Variants in BRF1 observed in about 807,000 individuals in gnomAD.
BRF1 encodes the protein transcription factor IIIB 90 kDa subunit.
BRF1 carries 59 observed loss-of-function variants against 81.7 expected under a neutral mutation model. The ratio of observed to expected loss-of-function variants is 0.72; its 90% CI spans 0.59 to 0.90. BRF1 has a LOEUF of 0.90. Ranked by LOEUF, BRF1 falls within the 40% of genes least tolerant of loss-of-function variation. The pLI, the probability that BRF1 is intolerant of heterozygous loss-of-function variation, is 0.00. For missense variants in BRF1, 1,050 were observed against 936.3 expected (o/e 1.12, Z -1.58); for synonymous variants, 491 against 395.6 (o/e 1.24, Z -2.86).
At chr14:105,262,121 G>A (rs1281030728) in intron 3 of BRF1, among the ~76,000 whole-genome samples, 2 of 152,248 alleles carry the variant, frequency 1.3e-5, no homozygotes, top group South Asian at 2.1e-4. Context: ...AGCCCGGCAG[G>A]CAGACTGGGC....
At chr14:105,303,831 G>T (rs2058100372), upstream of BRF1, among the ~76,000 whole-genome samples, 1 of 152,196 alleles carries the variant, frequency 6.6e-6, no homozygotes, top group Non-Finnish European at 1.5e-5. Context: ...TGTCCATGAT[G>T]ACATTTCATC....
chr14:105,226,857 C>G, intron 7 of BRF1, 97 bp from the exon 8 acceptor site: 3 of 1,581,852 alleles, frequency 1.9e-6, no homozygotes, highest in South Asian at 2.2e-5. Flanking sequence ...GCCTGTGATC[C>G]CAGTGCTTTG....
Position 105,300,672 on chromosome 14 carries a change from T to C in BRF1, c.-43A>G, listed in dbSNP as rs764740533. On this transcript the variant is annotated 5_prime_UTR_variant, in exon 1 of 18. Transcript: ENST00000547530. Reference sequence around the variant, plus strand: ...CAGCGCCCGGAGCCTCCCAAGACTCTCAAGCCACCCGAGCCTCCGGAGCAG... The same window carrying C: ...CAGCGCCCGGAGCCTCCCAAGACTCCCAAGCCACCCGAGCCTCCGGAGCAG... 27 of 1,283,750 alleles carry C rather than the reference T, an allele frequency of 2.1e-5. No individual in the cohort carries two copies. In the South Asian group the frequency reaches 6.5e-4, roughly 31 times the overall value. The allele number at this position is 1,283,750 out of a possible 1,614,324, so 79.5% of individuals were successfully genotyped here.
intron 3 of BRF1, among the ~76,000 whole-genome samples, chr14:105,257,042 GC>G (rs2055914433): frequency 6.6e-6 from 1 of 152,058 alleles, no homozygotes; most frequent in Non-Finnish European, 1.5e-5. Flanking sequence ...TAGACCTGGG[GC>G]CCCCTTGGTG....
chr14:105,271,253 C>G lies in BRF1; in HGVS notation c.439+1468G>C, dbSNP rs1385812276. Among the ~76,000 whole-genome samples, 1 of 152,228 alleles carries G rather than the reference C, an allele frequency of 6.6e-6. No individual in the cohort carries two copies. Among genetic ancestry groups the G allele is most frequent in the East Asian group, 1.9e-4 (1 of 5,204 alleles). The stretch of plus-strand genomic sequence containing the variant: ...TCTAACGACGAATTCAACAGAAGCT[C>G]AGGACAGGAAGCTGTCAGAGAGCAA... On this transcript the variant is annotated intron_variant, in intron 3 of 17. Coordinates refer to ENST00000547530, the MANE Select transcript of BRF1 (RefSeq NM_001519.4). This position sits in a 1 kb window ranked among gnomAD's most constrained non-coding sequence, Gnocchi z 5.5.
At chr14:105,241,175 T>G (rs1378857855) in intron 6 of BRF1, 90 bp downstream of exon 6, 3 of 1,552,814 alleles carry the variant, frequency 1.9e-6, no homozygotes, top group Non-Finnish European at 2.6e-6. Flanking sequence ...TCTGCAAACA[T>G]ACGGCCCAGC....
intron 15 of BRF1, among the ~76,000 whole-genome samples, chr14:105,214,221 C>G (rs1167709325): frequency 1.3e-5 from 2 of 152,242 alleles, no homozygotes; most frequent in Non-Finnish European, 2.9e-5. Context: ...CTTTGTCCCC[C>G]TTCCAGATAT....
Position 105,256,443 on chromosome 14 carries a change from C to A in BRF1, c.471+75G>T. The A allele has an allele frequency of 3.7e-6, 6 of 1,613,824 alleles. 1 individual carries two copies. The highest frequency in any genetic ancestry group is 5.1e-6 in the Non-Finnish European group (6 of 1,179,892). ...ATGCGTGGAGGCACCTGGGGTACAC[C>A]CCGGTCACAACCCTGGTCACAACCC... On this transcript the variant is annotated intron_variant, in intron 4 of 17. Transcript: ENST00000547530.
At chr14:105,223,714 T>C (rs1025960321) in intron 10 of BRF1, among the ~76,000 whole-genome samples, 2 of 152,242 alleles carry the variant, frequency 1.3e-5, no homozygotes, top group East Asian at 3.8e-4. Context: ...TGGTTGTCAC[T>C]ATGGCTTCAC....
chr14:105,253,344 C>A (rs974881915), intron 4 of BRF1, among the ~76,000 whole-genome samples: 4 of 152,222 alleles, frequency 2.6e-5, no homozygotes, highest in Non-Finnish European at 4.4e-5. Context: ...CTGGTCCCTA[C>A]TGGAGCCTGC....
intron 3 of BRF1, among the ~76,000 whole-genome samples, chr14:105,267,290 G>A (rs56178483): frequency 2.0e-5 from 3 of 152,044 alleles, no homozygotes; most frequent in African/African-American, 7.2e-5. Flanking sequence ...TCAGCCTTTC[G>A]GAAGTCTGAA....
At chr14:105,247,548 G>A (rs1388897433) in intron 5 of BRF1, 4 of 985,354 alleles carry the variant, frequency 4.1e-6, no homozygotes, top group Non-Finnish European at 4.8e-6. Flanking sequence ...CTTCTGAAGA[G>A]GACTCTCCCA....
Position 105,300,471 on chromosome 14 carries a change from G to A in BRF1, c.159C>T (p.Ala53=). 2.0e-6 allele frequency: 3 copies of A among 1,533,318 alleles called. No homozygotes were observed. Among genetic ancestry groups the A allele is most frequent in the Non-Finnish European group, 2.6e-6 (3 of 1,144,082 alleles). The allele number at this position is 1,533,318 out of a possible 1,614,324, so 95.0% of individuals were successfully genotyped here. ...CGTCCAGGGACACGAACTGGCCCAC[G>A]GCCGAGGAGCCGCCGCCGCTGCTCT... is the stretch of plus-strand genomic sequence containing the variant. ...FVESSGGGSS[A]VGQFVSLDGA... is the part of the protein sequence containing the mutation. Residue 53 remains alanine, a synonymous_variant, in exon 1 of 18, where the codon GCC becomes GCT. Coordinates refer to ENST00000547530, the MANE Select transcript of BRF1 (RefSeq NM_001519.4).
intron 10 of BRF1, among the ~76,000 whole-genome samples, chr14:105,223,135 G>A (rs1892554617): frequency 6.6e-6 from 1 of 152,176 alleles, no homozygotes; most frequent in Non-Finnish European, 1.5e-5. Context: ...TGACACTGCA[G>A]TGAGCTATGA....
intron 1 of BRF1, among the ~76,000 whole-genome samples, chr14:105,291,958 A>T (rs1186639022): frequency 6.6e-6 from 1 of 151,922 alleles, no homozygotes; most frequent in Non-Finnish European, 1.5e-5. Flanking sequence ...AGATTGCGCC[A>T]TTGCACTCCA....
chr14:105,252,639 T>C (rs1377735308), intron 4 of BRF1, 60 bp from the exon 5 acceptor site: 18 of 1,562,516 alleles, frequency 1.2e-5, no homozygotes, highest in Admixed American at 5.5e-5. Context: ...GTTTGCTTTT[T>C]TTCTCTTAAA....
intron 10 of BRF1, among the ~76,000 whole-genome samples, chr14:105,224,244 C>T (rs1251416183): frequency 6.6e-6 from 1 of 152,194 alleles, no homozygotes; most frequent in Non-Finnish European, 1.5e-5. Flanking sequence ...TGGCGCATGC[C>T]TGTAGTCCCA....
intron 14 of BRF1, among the ~76,000 whole-genome samples, chr14:105,218,600 A>G (rs1389149815): frequency 6.6e-6 from 1 of 152,202 alleles, no homozygotes; most frequent in African/African-American, 2.4e-5. Flanking sequence ...CCAGAGAGTA[A>G]GCTGGCAGAG....
At chr14:105,211,998 G>A (rs1566792220) in intron 16 of BRF1, 115 bp downstream of exon 16, 1 of 1,444,180 alleles carries the variant, frequency 6.9e-7, no homozygotes, top group Non-Finnish European at 9.5e-7. Flanking sequence ...GGCAGCAGGG[G>A]CAGGCGCCTC....
Sources: allele counts gnomAD v4.1 joint callset (sites outside exome capture counted in the v4.1 genomes callset), GRCh38; gene constraint gnomAD v4.1.1; non-coding constraint Gnocchi (gnomAD v3.1); transcripts MANE v1.5; gene names NCBI Gene and HGNC (gene_info 2026-07-23, HGNC 2026-07-21).